Variants in AGGF1 observed in about 807,000 individuals in gnomAD.
The protein encoded by AGGF1 is angiogenic factor with G-patch and FHA domains 1.
In AGGF1, 56 loss-of-function variants were observed where a neutral mutation model predicts 86.5. The observed-to-expected ratio is 0.65, with a 90% CI of 0.52 to 0.81. AGGF1 has a LOEUF of 0.81. Ranked by LOEUF, AGGF1 falls within the 30% of genes least tolerant of loss-of-function variation. The pLI is 0.00. For synonymous variants in AGGF1, 313 were observed against 297.1 expected (o/e 1.05, Z -0.55); for missense variants, 816 against 850.9 (o/e 0.96, Z 0.51).
In AGGF1 at chr5:77,056,226, CTTTTTT is replaced by C. The variant is rs770417117; in HGVS notation, c.1716+645_1716+650del. On this transcript the variant is annotated intron_variant, in intron 11 of 13. Transcript: ENST00000312916. ...GGCAGTTTGGTGGAGAAAGAGTGGT[CTTTTTT>C]TTTTTTTTTTTTTTGAGACAGAGTC... Among the ~76,000 whole-genome samples the C allele has an allele frequency of 1.8e-3, 184 of 104,504 alleles. 1 individual carries two copies. The highest frequency in any genetic ancestry group is 6.4e-3 in the African/African-American group (176 of 27,516). The allele number at this position is 104,504 out of a possible 152,430, so 68.6% of individuals were successfully genotyped here.
Position 77,030,943 on chromosome 5 carries a change from C to T in AGGF1, c.177C>T (p.Asn59=). Residue 59 remains asparagine (N), a synonymous_variant, in exon 1 of 14, where the codon AAC becomes AAT. Transcript: ENST00000312916. ...LLHHTERLYQ[N]AESNNQELRT... ...ATCACACAGAACGGCTGTACCAGAACGCAGAAAGCAACAACCAGGAGCTCC... is the reference window on the plus strand; with the variant it reads ...ATCACACAGAACGGCTGTACCAGAATGCAGAAAGCAACAACCAGGAGCTCC... The T allele has an allele frequency of 1.2e-6, 2 of 1,612,960 alleles. No homozygotes were observed. Among genetic ancestry groups the T allele is most frequent in the Non-Finnish European group, 8.5e-7 (1 of 1,180,000 alleles).
chr5:77,031,894 A>G (rs1234516761), intron 1 of AGGF1, among the ~76,000 whole-genome samples: 1 of 151,942 alleles, frequency 6.6e-6, no homozygotes, highest in Non-Finnish European at 1.5e-5. Context: ...ACAGAGTGCA[A>G]CTCTGTCTCA....
intron 3 of AGGF1, 133 bp downstream of exon 3, chr5:77,035,876 A>G: frequency 1.3e-6 from 1 of 794,930 alleles, no homozygotes; most frequent in Non-Finnish European, 2.1e-6. Flanking sequence ...ATGTGTAATT[A>G]TGCAAAGAAT....
chr5:77,043,380 C>T (rs1445565763), intron 5 of AGGF1, among the ~76,000 whole-genome samples: 5 of 44,806 alleles, frequency 1.1e-4, no homozygotes, highest in Non-Finnish European at 1.5e-4. Context: ...ACCTCCCTCC[C>T]GGACGGGGCG....
intron 8 of AGGF1, among the ~76,000 whole-genome samples, chr5:77,049,299 A>T (rs1167207020): frequency 2.6e-5 from 4 of 152,198 alleles, no homozygotes; most frequent in Non-Finnish European, 5.9e-5. Context: ...TATGACCTTT[A>T]AAAAATGAAT....
chr5:77,044,399 C>A (rs1747206123), intron 5 of AGGF1, among the ~76,000 whole-genome samples: 1 of 152,136 alleles, frequency 6.6e-6, no homozygotes, highest in Non-Finnish European at 1.5e-5. Flanking sequence ...CATCTGTTTT[C>A]TTTATTTTTA....
Position 77,048,160 on chromosome 5 carries a change from G to A in AGGF1, c.1202-1G>A. ...TATTTACTCACTTCTTTCCTTGGCA[G>A]ATGAAGACAAAATTTGGCCCCCATG... On this transcript the variant is annotated splice_acceptor_variant, in intron 6 of 13. Coordinates refer to ENST00000312916, the MANE Select transcript of AGGF1 (RefSeq NM_018046.5). LOFTEE classifies it high-confidence loss of function. 2 of 1,598,606 alleles carry A rather than the reference G, an allele frequency of 1.3e-6. No homozygotes were observed. Among genetic ancestry groups the A allele is most frequent in the Non-Finnish European group, 1.7e-6 (2 of 1,166,502 alleles).
intron 8 of AGGF1, 55 bp from the exon 9 acceptor site, chr5:77,052,651 G>T (rs1747393562): frequency 7.9e-7 from 1 of 1,263,944 alleles, no homozygotes; most frequent in Admixed American, 1.8e-5. Flanking sequence ...TACAGAAATT[G>T]TCCATAGTTT....
chr5:77,048,567 G>C (rs1311434141), intron 7 of AGGF1, among the ~76,000 whole-genome samples: 1 of 152,156 alleles, frequency 6.6e-6, no homozygotes, highest in Non-Finnish European at 1.5e-5. Flanking sequence ...TGGCCAGACT[G>C]GTCTCGAACT....
Position 77,064,937 on chromosome 5 carries a change from G to A in AGGF1, c.*1685G>A. 1.3e-5 allele frequency: 2 copies of A among 152,084 alleles called. No individual in the cohort carries two copies. Among genetic ancestry groups the A allele is most frequent in the Middle Eastern group, 6.8e-3 (2 of 294 alleles). 9.4% of individuals were successfully genotyped at this position (152,084 alleles called of 1,614,324 possible). A position where few individuals can be genotyped will look rare whatever the true frequency, so the allele number is the denominator to read the frequency against. On this transcript the variant is annotated 3_prime_UTR_variant, in exon 14 of 14. Coordinates refer to ENST00000312916, the MANE Select transcript of AGGF1 (RefSeq NM_018046.5). ...TAAGAAAATGGAAAACTTAAATATG[G>A]TGTTAAAAATGGAAATATATGTGAT... is the stretch of plus-strand genomic sequence containing the variant.
At position 77,030,850 on chromosome 5, in the gene AGGF1, G is replaced by A. The variant is rs138660986; in HGVS notation, c.84G>A (p.Lys28=). 9,518 of 1,612,818 alleles carry A rather than the reference G, an allele frequency of 5.9e-3. 44 individuals are homozygous for A. The highest frequency in any genetic ancestry group is 7.5e-3 in the Non-Finnish European group (8,795 of 1,179,940). The change falls in exon 1 of 14, where the codon AAG becomes AAA. Residue 28 remains lysine (K), a synonymous_variant. Coordinates refer to ENST00000312916, the MANE Select transcript of AGGF1 (RefSeq NM_018046.5). The part of the protein sequence containing the change: ...PEPELAQLRR[K]VEKLERELRS... ...CTGAGCTGGCCCAGCTAAGGCGGAA[G>A]GTGGAGAAGTTGGAACGTGAACTGC...
At chr5:77,043,594 C>CA (rs779476258) in intron 5 of AGGF1, among the ~76,000 whole-genome samples, 2 of 99,138 alleles carry the variant, frequency 2.0e-5, no homozygotes, top group African/African-American at 3.0e-5. Context: ...CTGACCCCCC[C>CA]CCCCCCGGAT....
chr5:77,038,979 T>C (rs1050565950), intron 4 of AGGF1, among the ~76,000 whole-genome samples: 17 of 152,188 alleles, frequency 1.1e-4, no homozygotes, highest in African/African-American at 3.9e-4. Flanking sequence ...TTATAGAATG[T>C]TATTTTTTGG....
chr5:77,039,330 T>C (rs947318149), intron 4 of AGGF1, among the ~76,000 whole-genome samples: 2 of 152,190 alleles, frequency 1.3e-5, no homozygotes, highest in African/African-American at 4.8e-5. Flanking sequence ...TTTCTCACAC[T>C]AGGAAAATTA....
rs1561287714 is a variant in AGGF1, at chr5:77,046,463, T to TC, written c.993dup (p.Lys332GlnfsTer7). 2 of 1,613,678 alleles carry TC rather than the reference T, an allele frequency of 1.2e-6. No homozygotes were observed. Among genetic ancestry groups the TC allele is most frequent in the Non-Finnish European group, 1.7e-6 (2 of 1,179,914 alleles). On this transcript the variant is annotated frameshift_variant, in exon 6 of 14. Coordinates refer to ENST00000312916, the MANE Select transcript of AGGF1 (RefSeq NM_018046.5). LOFTEE classifies it high-confidence loss of function. ...AAATAGGCATTCATCACAAAAATAG[T>TC]CCCCCCAAAGTCACTGTTCCAACTA...
intron 5 of AGGF1, among the ~76,000 whole-genome samples, chr5:77,040,142 C>G (rs929597198): frequency 1.4e-5 from 2 of 146,140 alleles, no homozygotes; most frequent in African/African-American, 5.1e-5. Flanking sequence ...GAGTTTCACT[C>G]TTGTTGCCCG....
chr5:77,044,460 G>A (rs1747207766), intron 5 of AGGF1, among the ~76,000 whole-genome samples: 1 of 152,200 alleles, frequency 6.6e-6, no homozygotes, highest in African/African-American at 2.4e-5. Flanking sequence ...GTGGAAGGAA[G>A]ACAGTAGGGG....
At chr5:77,061,637 A>C (rs1277657345) in intron 12 of AGGF1, 66 bp from the exon 13 acceptor site, 57 of 1,475,862 alleles carry the variant, frequency 3.9e-5, no homozygotes, top group Non-Finnish European at 5.4e-5. Context: ...TTAATTCATG[A>C]ATTTATTATA....
At chr5:77,048,341 TTTTGTTTG>T (rs942908564) in intron 7 of AGGF1, 69 bp downstream of exon 7, 1 of 1,304,178 alleles carries the variant, frequency 7.7e-7, no homozygotes, top group African/African-American at 1.5e-5. Flanking sequence ...GAGCATGTAT[TTTTGTTTG>T]TTTGTTTGTT....
Sources: allele counts gnomAD v4.1 joint callset (sites outside exome capture counted in the v4.1 genomes callset), GRCh38; gene constraint gnomAD v4.1.1; transcripts MANE v1.5; gene names NCBI Gene and HGNC (gene_info 2026-07-23, HGNC 2026-07-21).